Variants in ZEB1 observed in about 807,000 individuals in gnomAD.
ZEB1 encodes zinc finger E-box-binding homeobox 1.
A neutral mutation model predicts 84.9 loss-of-function variants in ZEB1; 21 were observed. The ratio of observed to expected loss-of-function variants is 0.25; its 90% CI spans 0.18 to 0.36. ZEB1 has a LOEUF of 0.36. Ranked by LOEUF, ZEB1 falls within the 10% of genes least tolerant of loss-of-function variation. The pLI is 1.00. For missense variants in ZEB1, 1,104 were observed against 1,330.2 expected (o/e 0.83, Z 2.65); for synonymous variants, 420 against 471.1 (o/e 0.89, Z 1.41).
intron 2 of ZEB1, among the ~76,000 whole-genome samples, chr10:31,463,051 CTGTTAA>C (rs895002367): frequency 2.0e-5 from 3 of 152,128 alleles, no homozygotes; most frequent in African/African-American, 7.2e-5. Context: ...AGCTATGAAC[CTGTTAA>C]TGTTAATACT....
At chr10:31,368,400 T>C (rs1267735835) in intron 1 of ZEB1, among the ~76,000 whole-genome samples, 2 of 152,138 alleles carry the variant, frequency 1.3e-5, no homozygotes, top group Non-Finnish European at 2.9e-5. Flanking sequence ...CAAGCGATCC[T>C]CCCACCTTGA....
chr10:31,435,702 T>C (rs1055842210), intron 1 of ZEB1, among the ~76,000 whole-genome samples: 2 of 152,114 alleles, frequency 1.3e-5, no homozygotes, highest in Admixed American at 6.6e-5. Context: ...TTAGCGAGAA[T>C]GAATAGAATA....
chr10:31,523,588 G>T (rs1287852257), intron 7 of ZEB1, among the ~76,000 whole-genome samples: 2 of 152,188 alleles, frequency 1.3e-5, no homozygotes, highest in East Asian at 3.8e-4. Context: ...CAAATTTCTC[G>T]TAAAGTAATG....
At chr10:31,473,256 A>T (rs1169249272) in intron 2 of ZEB1, among the ~76,000 whole-genome samples, 41 of 149,942 alleles carry the variant, frequency 2.7e-4, no homozygotes, top group African/African-American at 1.0e-3. Flanking sequence ...TTAGGAAAAG[A>T]GGAAGTCAAA....
At chr10:31,513,782 C>A (rs186297005) in intron 5 of ZEB1, among the ~76,000 whole-genome samples, 1 of 152,238 alleles carries the variant, frequency 6.6e-6, no homozygotes, top group Admixed American at 6.5e-5. Context: ...AAAACCATGG[C>A]TCGCTAAATG....
chr10:31,337,240 G>A (rs2133440466), intron 1 of ZEB1, among the ~76,000 whole-genome samples: 1 of 151,938 alleles, frequency 6.6e-6, no homozygotes, highest in Middle Eastern at 3.4e-3. Flanking sequence ...GCAAAATTAA[G>A]TAATATATTG....
At chr10:31,389,825 A>G (rs1319170850) in intron 1 of ZEB1, 1 of 152,316 alleles carries the variant, frequency 6.6e-6, no homozygotes, top group East Asian at 1.9e-4. Context: ...AGAATGTTTT[A>G]TGAGATTTTT....
At chr10:31,441,265 C>T (rs1047285448) in intron 1 of ZEB1, among the ~76,000 whole-genome samples, 1 of 152,068 alleles carries the variant, frequency 6.6e-6, no homozygotes, top group East Asian at 1.9e-4. Flanking sequence ...CATCTACAAC[C>T]ATCTGATGTT....
At chr10:31,396,222 T>C (rs956892614) in intron 1 of ZEB1, among the ~76,000 whole-genome samples, 2 of 152,216 alleles carry the variant, frequency 1.3e-5, no homozygotes, top group African/African-American at 4.8e-5. Context: ...TAATTACTTA[T>C]GAAATATGTC....
At position 31,401,358 on chromosome 10, in the gene ZEB1, G is replaced by T. The variant is rs74127729; in HGVS notation, c.59-59679G>T. ...CCCTGATGTTTGCTTGTGGAAGTAG[G>T]TATGGAATTGTGATCTCCAAGTTAA... is the stretch of plus-strand genomic sequence containing the variant. On this transcript the variant is annotated intron_variant, in intron 1 of 8. Coordinates refer to ENST00000424869, the MANE Select transcript of ZEB1 (RefSeq NM_001174096.2). Among the ~76,000 whole-genome samples the T allele has an allele frequency of 4.6e-3, 706 of 152,258 alleles. 3 individuals carry two copies. Among genetic ancestry groups the T allele is most frequent in the African/African-American group, 0.016 (685 of 41,546 alleles).
Position 31,471,131 on chromosome 10 carries a change from G to A in ZEB1, c.259+9894G>A, listed in dbSNP as rs1434181244. Among the ~76,000 whole-genome samples the A allele has an allele frequency of 7.0e-5, 9 of 128,610 alleles. No homozygotes were observed. The East Asian group carries it at 8.6e-4, about 12-fold the overall frequency. The allele number at this position is 128,610 out of a possible 152,430, so 84.4% of individuals were successfully genotyped here. ...ATCATGCCAAAATGTAAAGACCATC[G>A]AGACTAGGAAGAAACTGCATGAACT... is the stretch of plus-strand genomic sequence containing the variant. On this transcript the variant is annotated intron_variant, in intron 2 of 8. Transcript: ENST00000424869.
At chr10:31,378,036 T>C (rs2046974394) in intron 1 of ZEB1, among the ~76,000 whole-genome samples, 1 of 150,472 alleles carries the variant, frequency 6.6e-6, no homozygotes, top group Non-Finnish European at 1.5e-5. Context: ...ATAGTATGTA[T>C]ATATTATGCA....
rs373991927 is a variant in ZEB1, at chr10:31,422,935, G to T, written c.59-38102G>T. ...AAACATGTAGTATTTGGTTTTCTGT[G>T]CCAGTGTTAATTTGCTTAGGATGAC... On this transcript the variant is annotated intron_variant, in intron 1 of 8. Coordinates refer to ENST00000424869, the MANE Select transcript of ZEB1 (RefSeq NM_001174096.2). Among the ~76,000 whole-genome samples the T allele has an allele frequency of 2.5e-4, 38 of 152,022 alleles. 1 individual carries two copies. The highest frequency in any genetic ancestry group is 8.2e-4 in the African/African-American group (34 of 41,490).
intron 2 of ZEB1, among the ~76,000 whole-genome samples, chr10:31,489,963 T>G (rs1289517099): frequency 6.6e-6 from 1 of 151,554 alleles, no homozygotes; most frequent in African/African-American, 2.4e-5. Context: ...AAGGATATTC[T>G]TATTGAATTT....
At position 31,521,781 on chromosome 10, in the gene ZEB1, G is replaced by T; in HGVS notation, c.2449G>T (p.Ala817Ser). Residue 817 changes from alanine (A) to serine (S), a missense_variant, in exon 7 of 9, where the codon GCC (alanine) becomes TCC (serine). Around this residue, in one of 7 missense-constraint regions of ZEB1, gnomAD observed 531 missense variants for 575.2 expected, o/e 0.92. Coordinates refer to ENST00000424869, the MANE Select transcript of ZEB1 (RefSeq NM_001174096.2). The stretch of plus-strand genomic sequence containing the variant: ...CACTGCCCAGTTACCCACAATCGTG[G>T]CCATTGCTGACCAGAACAGTGTTCC... ...TVTAQLPTIV[A>S]IADQNSVPCL... 3 of 1,613,944 alleles carry T rather than the reference G, an allele frequency of 1.9e-6. No individual in the cohort carries two copies. Among genetic ancestry groups the T allele is most frequent in the South Asian group, 1.1e-5 (1 of 91,074 alleles).
chr10:31,415,647 A>T (rs1216162066), intron 1 of ZEB1, among the ~76,000 whole-genome samples: 1 of 152,106 alleles, frequency 6.6e-6, no homozygotes, highest in Non-Finnish European at 1.5e-5. Flanking sequence ...TACCTTCATC[A>T]GTTTTATAAA....
At chr10:31,367,460 AG>A in intron 1 of ZEB1, among the ~76,000 whole-genome samples, 1 of 152,284 alleles carries the variant, frequency 6.6e-6, no homozygotes, top group East Asian at 1.9e-4. Flanking sequence ...CTGCTTTCGA[AG>A]GCTTATGATG....
chr10:31,526,623 T>G, intron 8 of ZEB1, 49 bp from the exon 9 acceptor site: 2 of 1,604,372 alleles, frequency 1.2e-6, no homozygotes, highest in Non-Finnish European at 1.7e-6. Flanking sequence ...TATAAGGATT[T>G]TATTTGCTGA....
chr10:31,442,310 A>C (rs1449803069), intron 1 of ZEB1, among the ~76,000 whole-genome samples: 1 of 151,628 alleles, frequency 6.6e-6, no homozygotes, highest in Non-Finnish European at 1.5e-5. Context: ...TCGCAAGGAC[A>C]AAAAACCAAA....
Sources: gnomAD v4.1 joint callset for allele counts (sites outside exome capture counted in the v4.1 genomes callset) on GRCh38, gnomAD v4.1.1 for gene constraint, gnomAD v4.1.1 regional missense constraint, MANE v1.5 for transcripts, NCBI Gene and HGNC (gene_info 2026-07-23, HGNC 2026-07-21) for gene names.